DBNL: variants seen among roughly 807,000 people sequenced by gnomAD.
DBNL encodes drebrin-like protein.
A neutral mutation model predicts 62.2 loss-of-function variants in DBNL; 35 were observed. That is an observed-to-expected ratio of 0.56 (90% CI 0.43 to 0.75). The LOEUF (loss-of-function observed/expected upper bound fraction) is 0.75, where lower values mean the gene tolerates loss of function less well. Among genes scored for constraint, DBNL ranks in the 30% least tolerant of loss-of-function variants. The pLI is 0.00. For synonymous variants in DBNL, 197 were observed against 218.0 expected (o/e 0.90, Z 0.85); for missense variants, 495 against 578.4 (o/e 0.86, Z 1.48).
rs2096159193 is a variant in DBNL at position 44,065,919 on chromosome 7, G to A, written c.*5003G>A. On this transcript the variant is annotated 3_prime_UTR_variant, in exon 13 of 13. Coordinates refer to ENST00000448521, the MANE Select transcript of DBNL (RefSeq NM_001014436.3). ...CAGGGCAACGCTCAGTGGCCTATCA[G>A]CCATTCTCTGCTCAGACAGAGGCAC... 1 of 361,266 alleles carries A rather than the reference G, an allele frequency of 2.8e-6. No homozygotes were observed. Among genetic ancestry groups the A allele is most frequent in the Admixed American group, 3.8e-5 (1 of 26,204 alleles). 22.4% of individuals were successfully genotyped at this position (361,266 alleles called of 1,614,324 possible).
In DBNL at chr7:44,065,824, T is replaced by C. The variant is rs1029615330; in HGVS notation, c.*4908T>C. 5.0e-5 allele frequency: 26 copies of C among 523,920 alleles called. No homozygotes were observed. The highest frequency in any genetic ancestry group is 9.5e-5 in the Admixed American group (3 of 31,624). The allele number at this position is 523,920 out of a possible 1,614,324, so 32.5% of individuals were successfully genotyped here. ...AGCCCAGACTGAGTGGGGCTGCTGGTCAGGGATGGGCGTGAAGGGCAGAAG... is the reference window on the plus strand; with the variant it reads ...AGCCCAGACTGAGTGGGGCTGCTGGCCAGGGATGGGCGTGAAGGGCAGAAG... On this transcript the variant is annotated 3_prime_UTR_variant, in exon 13 of 13. Transcript: ENST00000448521.
chr7:44,065,412 G>A lies in DBNL; in HGVS notation c.*4496G>A, dbSNP rs369421780. On this transcript the variant is annotated 3_prime_UTR_variant, in exon 13 of 13. Coordinates refer to ENST00000448521, the MANE Select transcript of DBNL (RefSeq NM_001014436.3). ...GCATCCTTGATGGCCTTGGCTCCCC[G>A]CTTGGCCTCCTCGGTCCCCTTTTCA... 11 of 1,613,954 alleles carry A rather than the reference G, an allele frequency of 6.8e-6. No homozygotes were observed. Among genetic ancestry groups the A allele is most frequent in the African/African-American group, 5.3e-5 (4 of 74,942 alleles).
chr7:44,047,910 CTTTTTT>C (rs5883883), intron 1 of DBNL, among the ~76,000 whole-genome samples: 1 of 69,810 alleles, frequency 1.4e-5, no homozygotes. Context: ...TGCTGAGTCC[CTTTTTT>C]TTTTTTTTTT....
chr7:44,059,647 C>G lies in DBNL; in HGVS notation c.1036C>G (p.Gln346Glu). 1 of 1,604,024 alleles carries G rather than the reference C, an allele frequency of 6.2e-7. No homozygotes were observed. The highest frequency in any genetic ancestry group is 2.2e-5 in the East Asian group (1 of 44,842). Residue 346 changes from glutamine (Q) to glutamate (E), a missense_variant, in exon 11 of 13, where the codon CAG becomes GAG. Coordinates refer to ENST00000448521, the MANE Select transcript of DBNL (RefSeq NM_001014436.3). This position sits in a 1 kb window ranked among gnomAD's most constrained non-coding sequence, Gnocchi z 4.1. ...EPPEQETFYEQPPLVQQQGAG... is the reference protein window; with the variant it reads ...EPPEQETFYEEPPLVQQQGAG... ...TCCAGAGCAGGAGACCTTCTACGAG[C>G]AGCCCCCACTGGTGGGTTCCTACAC...
Position 44,059,349 on chromosome 7 carries a change from T to C in DBNL, c.836-5T>C, listed in dbSNP as rs1053540513. ...AGTGATGTATATATTTACCCGGGTTTGCAGGCAAGCTGAGGAGCCCCTTCC... is the reference window on the plus strand; with the variant it reads ...AGTGATGTATATATTTACCCGGGTTCGCAGGCAAGCTGAGGAGCCCCTTCC... On this transcript the variant is annotated splice_region_variant and splice_polypyrimidine_tract_variant and intron_variant, in intron 9 of 12. Transcript: ENST00000448521. This position sits in a 1 kb window ranked among gnomAD's most constrained non-coding sequence, Gnocchi z 4.1. The C allele has an allele frequency of 1.2e-6, 2 of 1,613,608 alleles. No homozygotes were observed. The highest frequency in any genetic ancestry group is 2.7e-5 in the African/African-American group (2 of 75,008).
At chr7:44,054,866 T>C (rs2096133343) in intron 4 of DBNL, among the ~76,000 whole-genome samples, 1 of 152,210 alleles carries the variant, frequency 6.6e-6, no homozygotes, top group Non-Finnish European at 1.5e-5. Flanking sequence ...AGCTCCCACA[T>C]GAGTGAGAAC....
At chr7:44,046,477 C>T (rs1454189052) in intron 1 of DBNL, among the ~76,000 whole-genome samples, 1 of 152,198 alleles carries the variant, frequency 6.6e-6, no homozygotes, top group South Asian at 2.1e-4. Flanking sequence ...GAGCTGTCTG[C>T]TACCACTCCT....
At position 44,050,012 on chromosome 7, in the gene DBNL, T is replaced by G. The variant is rs550686604; in HGVS notation, c.84-213T>G. On this transcript the variant is annotated intron_variant, in intron 1 of 12. Coordinates refer to ENST00000448521, the MANE Select transcript of DBNL (RefSeq NM_001014436.3). ...CCCACCCCATGGTAAGTCAGGCCAG[T>G]GTCCTCCCAGCTGCAGAGCTGAGAA... is the stretch of plus-strand genomic sequence containing the variant. 32 of 510,638 alleles carry G rather than the reference T, an allele frequency of 6.3e-5. No individual in the cohort carries two copies. In the Admixed American group the frequency reaches 1.0e-3, roughly 16 times the overall value. The allele number at this position is 510,638 out of a possible 1,614,324, so 31.6% of individuals were successfully genotyped here.
rs778263468 is a variant in DBNL, at chr7:44,059,635, A to G, written c.1024A>G (p.Thr342Ala). 3.4e-5 allele frequency: 55 copies of G among 1,606,838 alleles called. No individual in the cohort carries two copies. The highest frequency in any genetic ancestry group is 4.6e-5 in the Non-Finnish European group (54 of 1,179,586). ...AVYEEPPEQETFYEQPPLVQQ... is the reference protein window; with the variant it reads ...AVYEEPPEQEAFYEQPPLVQQ... ...GTATGAGGAACCTCCAGAGCAGGAG[A>G]CCTTCTACGAGCAGCCCCCACTGGT... is the stretch of plus-strand genomic sequence containing the variant. The change falls in exon 11 of 13, where the codon ACC (threonine) becomes GCC (alanine). Residue 342 changes from threonine to alanine, a missense_variant. Transcript: ENST00000448521. This position sits in a 1 kb window ranked among gnomAD's most constrained non-coding sequence, Gnocchi z 4.1.
At chr7:44,054,619 A>G (rs998827507) in intron 4 of DBNL, among the ~76,000 whole-genome samples, 6 of 152,204 alleles carry the variant, frequency 3.9e-5, no homozygotes, top group Non-Finnish European at 7.3e-5. Context: ...TCAAACATTT[A>G]TCTTTTCTTT....
rs139647339 is a variant in DBNL, at chr7:44,052,885, G to C, written c.271G>C (p.Asp91His). The C allele has an allele frequency of 2.2e-3, 3,496 of 1,613,882 alleles. 31 individuals are homozygous for C. Among genetic ancestry groups the C allele is most frequent in the South Asian group, 0.019 (1,766 of 91,080 alleles). ...LINWTGEGVN[D>H]VRKGACASHV... ...GTTGCAGACAGGCGAGGGCGTGAACGATGTGCGGAAGGGAGCCTGTGCCAG... is the reference window on the plus strand; with the variant it reads ...GTTGCAGACAGGCGAGGGCGTGAACCATGTGCGGAAGGGAGCCTGTGCCAG... Residue 91 changes from aspartate (D) to histidine (H), a missense_variant, in exon 4 of 13, where the codon GAT (aspartate) becomes CAT (histidine). Physicochemically the swap from Asp to His is moderately conservative, Grantham distance 81. Transcript: ENST00000448521.
chr7:44,058,892 T>C lies in DBNL; in HGVS notation c.754-10T>C. On this transcript the variant is annotated splice_polypyrimidine_tract_variant and intron_variant, in intron 8 of 12. Transcript: ENST00000448521. Reference sequence around the variant, plus strand: ...GCCCACTGCAGGGGTCAACATGTGCTTCCCTCCAGGAGTCTGCCGTGCACC... The same window carrying C: ...GCCCACTGCAGGGGTCAACATGTGCCTCCCTCCAGGAGTCTGCCGTGCACC... The C allele has an allele frequency of 6.2e-7, 1 of 1,613,882 alleles. No individual in the cohort carries two copies. The highest frequency in any genetic ancestry group is 8.5e-7 in the Non-Finnish European group (1 of 1,179,928).
At chr7:44,052,760 G>A (rs1286714378) in intron 3 of DBNL, 107 bp from the exon 4 acceptor site, 1 of 1,304,442 alleles carries the variant, frequency 7.7e-7, no homozygotes, top group Non-Finnish European at 1.1e-6. Context: ...CTGCTTTGGG[G>A]GTTGCAGTTT....
Position 44,058,949 on chromosome 7 carries a change from C to G in DBNL, c.801C>G (p.Ala267=). The G allele has an allele frequency of 6.2e-7, 1 of 1,613,934 alleles. No individual in the cohort carries two copies. The highest frequency in any genetic ancestry group is 8.5e-7 in the Non-Finnish European group (1 of 1,179,964). Reference sequence around the variant, plus strand: ...AGATTTTCAAGCAGAAGGAGAGGGCCATGTCCACCACCTCCATCTCCAGTC... The same window carrying G: ...AGATTTTCAAGCAGAAGGAGAGGGCGATGTCCACCACCTCCATCTCCAGTC... The part of the protein sequence containing the change: ...PREIFKQKER[A]MSTTSISSPQ... The change falls in exon 9 of 13, where the codon GCC becomes GCG. Residue 267 remains alanine (A), a synonymous_variant. Coordinates refer to ENST00000448521, the MANE Select transcript of DBNL (RefSeq NM_001014436.3).
rs1305300149 is a variant in DBNL at position 44,064,654 on chromosome 7, G to C, written c.*3738G>C. The C allele has an allele frequency of 6.2e-6, 4 of 647,132 alleles. No individual in the cohort carries two copies. Among genetic ancestry groups the C allele is most frequent in the African/African-American group, 3.6e-5 (2 of 55,376 alleles). 40.1% of individuals were successfully genotyped at this position (647,132 alleles called of 1,614,324 possible). A position where few individuals can be genotyped will look rare whatever the true frequency, so the allele number is the denominator to read the frequency against. ...CTGTGGAGTGTGTCCCAGTTACACA[G>C]AAATGGGGAAAATTTCACAAAACTA... On this transcript the variant is annotated 3_prime_UTR_variant, in exon 13 of 13. Transcript: ENST00000448521.
Position 44,059,332 on chromosome 7 carries a change from A to G in DBNL, c.836-22A>G, listed in dbSNP as rs754940666. The G allele has an allele frequency of 5.6e-6, 9 of 1,612,480 alleles. No homozygotes were observed. Among genetic ancestry groups the G allele is most frequent in the South Asian group, 1.1e-5 (1 of 91,014 alleles). On this transcript the variant is annotated intron_variant, in intron 9 of 12. Transcript: ENST00000448521. The surrounding 1 kb of genome is among the most constrained non-coding windows in gnomAD (Gnocchi z 4.1). ...TGTGGTGGTGTTTCTGAAGTGATGT[A>G]TATATTTACCCGGGTTTGCAGGCAA...
chr7:44,053,404 G>C (rs1294954066), intron 4 of DBNL, among the ~76,000 whole-genome samples: 1 of 152,146 alleles, frequency 6.6e-6, no homozygotes, highest in Non-Finnish European at 1.5e-5. Flanking sequence ...AAAACTATTT[G>C]TAACAAAAGC....
intron 1 of DBNL, among the ~76,000 whole-genome samples, chr7:44,048,628 G>T (rs1345315646): frequency 6.6e-6 from 1 of 152,182 alleles, no homozygotes; most frequent in Non-Finnish European, 1.5e-5. Context: ...AAGCTGATTT[G>T]GTTCCTGTCC....
chr7:44,056,970 T>C, intron 5 of DBNL, 67 bp downstream of exon 5: 1 of 1,601,400 alleles, frequency 6.2e-7, no homozygotes, highest in Non-Finnish European at 8.5e-7. Flanking sequence ...GCCAGGAATA[T>C]GCACTTCCCA....
Sources: gnomAD v4.1 joint callset for allele counts (sites outside exome capture counted in the v4.1 genomes callset) on GRCh38, gnomAD v4.1.1 for gene constraint, Gnocchi (gnomAD v3.1) non-coding constraint, MANE v1.5 for transcripts, NCBI Gene and HGNC (gene_info 2026-07-23, HGNC 2026-07-21) for gene names.